The following ARL15 variants were observed in gnomAD, a reference collection of about 807,000 sequenced individuals.
ARL15 encodes ADP-ribosylation factor-like protein 15.
Under a neutral mutation model 25.2 loss-of-function variants are expected in ARL15, and 19 were observed. The ratio of observed to expected loss-of-function variants is 0.75; its 90% CI spans 0.53 to 1.10. The LOEUF is 1.10. ARL15 is among the 50% of genes least tolerant of loss of function. ARL15 has a pLI of 0.00. For missense variants in ARL15, 220 were observed against 246.0 expected (o/e 0.89, Z 0.71); for synonymous variants, 94 against 86.8 (o/e 1.08, Z -0.46).
At chr5:54,290,695 G>C (rs570586978) in intron 1 of ARL15, among the ~76,000 whole-genome samples, 1 of 151,980 alleles carries the variant, frequency 6.6e-6, no homozygotes, top group Non-Finnish European at 1.5e-5. Flanking sequence ...TGTCCATTAG[G>C]CACTTGGAAG....
At chr5:53,927,236 T>C (rs1323679692) in intron 4 of ARL15, among the ~76,000 whole-genome samples, 3 of 152,120 alleles carry the variant, frequency 2.0e-5, no homozygotes, top group Non-Finnish European at 2.9e-5. Flanking sequence ...TTTGGTAACT[T>C]CATCAGCTTC....
At chr5:54,298,290 C>T (rs1487523809) in intron 1 of ARL15, among the ~76,000 whole-genome samples, 1 of 152,050 alleles carries the variant, frequency 6.6e-6, no homozygotes, top group Non-Finnish European at 1.5e-5. Context: ...AAAGGCTACA[C>T]AAGGAAAGAA....
intron 1 of ARL15, among the ~76,000 whole-genome samples, chr5:54,177,321 T>G (rs1263085188): frequency 2.0e-5 from 3 of 152,214 alleles, no homozygotes; most frequent in Non-Finnish European, 4.4e-5. Flanking sequence ...TCGTAGACTT[T>G]GGACAAATCA....
chr5:54,140,963 C>T (rs958068576), intron 3 of ARL15, among the ~76,000 whole-genome samples: 2 of 152,126 alleles, frequency 1.3e-5, no homozygotes, highest in Non-Finnish European at 2.9e-5. Context: ...CCCCAACCTG[C>T]TCCTTTCTAT....
chr5:54,144,625 C>T (rs554073911), intron 3 of ARL15, among the ~76,000 whole-genome samples: 79 of 152,112 alleles, frequency 5.2e-4, no homozygotes, highest in African/African-American at 1.5e-3. Flanking sequence ...CTTCATATTG[C>T]GGTGTGTCAT....
chr5:54,267,007 T>G (rs1413915629), intron 1 of ARL15, among the ~76,000 whole-genome samples: 2 of 152,224 alleles, frequency 1.3e-5, no homozygotes, highest in African/African-American at 4.8e-5. Flanking sequence ...CAGAATCATC[T>G]GGATATTTAT....
intron 4 of ARL15, among the ~76,000 whole-genome samples, chr5:53,920,293 G>A (rs1447550878): frequency 6.6e-6 from 1 of 152,064 alleles, no homozygotes; most frequent in Admixed American, 6.5e-5. Flanking sequence ...CATGATGATA[G>A]GGTCCCACAC....
intron 2 of ARL15, among the ~76,000 whole-genome samples, chr5:54,171,286 A>G (rs1420017499): frequency 6.6e-6 from 1 of 152,178 alleles, no homozygotes; most frequent in Non-Finnish European, 1.5e-5. Flanking sequence ...CCACTGCCCT[A>G]GACTGACTTT....
At chr5:53,935,433 T>A (rs974144880) in intron 4 of ARL15, among the ~76,000 whole-genome samples, 4 of 152,218 alleles carry the variant, frequency 2.6e-5, no homozygotes, top group African/African-American at 9.7e-5. Context: ...AGCAAGCCTG[T>A]CCTCTTTAGA....
rs578026863 is a variant in ARL15 at position 53,995,549 on chromosome 5, C to T, written c.463-108836G>A. Among the ~76,000 whole-genome samples, 5 of 152,236 alleles carry T rather than the reference C, an allele frequency of 3.3e-5. No homozygotes were observed. In the East Asian group the frequency reaches 9.7e-4, roughly 29 times the overall value. On this transcript the variant is annotated intron_variant, in intron 4 of 4. Coordinates refer to ENST00000504924, the MANE Select transcript of ARL15 (RefSeq NM_019087.3). ...TTATTGAGTGTCCAATGTCAGAAAA[C>T]AGTTACACTACTAAGGTCCAAATAA... is the stretch of plus-strand genomic sequence containing the variant.
intron 4 of ARL15, among the ~76,000 whole-genome samples, chr5:54,017,621 GCAA>G (rs59853568): frequency 6.1e-5 from 9 of 146,614 alleles, no homozygotes; most frequent in Middle Eastern, 3.5e-3. Context: ...CCAAACCAAA[GCAA>G]CAACAACAAC....
chr5:54,229,030 G>GC (rs1357286632), intron 1 of ARL15, among the ~76,000 whole-genome samples: 1 of 151,974 alleles, frequency 6.6e-6, no homozygotes, highest in Non-Finnish European at 1.5e-5. Context: ...GAACACAAGG[G>GC]CCCCTCTTTC....
intron 4 of ARL15, among the ~76,000 whole-genome samples, chr5:54,004,925 A>T (rs560926582): frequency 6.6e-6 from 1 of 152,318 alleles, no homozygotes; most frequent in East Asian, 1.9e-4. Context: ...CTGCTAACTT[A>T]ATCATCAAAA....
intron 1 of ARL15, among the ~76,000 whole-genome samples, chr5:54,206,366 A>T (rs772884086): frequency 6.6e-6 from 1 of 152,190 alleles, no homozygotes; most frequent in Non-Finnish European, 1.5e-5. Flanking sequence ...CACAGCCCTC[A>T]TTGAAGTTAT....
intron 1 of ARL15, among the ~76,000 whole-genome samples, chr5:54,295,817 C>A (rs978524683): frequency 3.9e-5 from 6 of 152,116 alleles, no homozygotes; most frequent in African/African-American, 1.4e-4. Flanking sequence ...TCTACCATAC[C>A]CTGCCTCTCA....
At chr5:54,222,846 C>T (rs1015394929) in intron 1 of ARL15, among the ~76,000 whole-genome samples, 1 of 152,064 alleles carries the variant, frequency 6.6e-6, no homozygotes, top group African/African-American at 2.4e-5. Flanking sequence ...TTTTTTGAGA[C>T]GGAGTCTCAC....
At chr5:54,273,348 A>G (rs1294479925) in intron 1 of ARL15, among the ~76,000 whole-genome samples, 1 of 152,208 alleles carries the variant, frequency 6.6e-6, no homozygotes, top group African/African-American at 2.4e-5. Context: ...ATGCACTGAG[A>G]AGGATACAGT....
At chr5:54,293,921 T>C (rs1476822121) in intron 1 of ARL15, among the ~76,000 whole-genome samples, 4 of 152,098 alleles carry the variant, frequency 2.6e-5, no homozygotes, top group African/African-American at 9.7e-5. Flanking sequence ...CTCCGCCTCC[T>C]GGGTTCAAGC....
chr5:53,960,723 G>T (rs906769875), intron 4 of ARL15, among the ~76,000 whole-genome samples: 3 of 152,188 alleles, frequency 2.0e-5, no homozygotes, highest in South Asian at 2.1e-4. Context: ...GGAGGTGAGG[G>T]TTAAGTGATT....
Sources: gnomAD v4.1 joint callset for allele counts (sites outside exome capture counted in the v4.1 genomes callset) on GRCh38, gnomAD v4.1.1 for gene constraint, MANE v1.5 for transcripts, NCBI Gene and HGNC (gene_info 2026-07-23, HGNC 2026-07-21) for gene names.